HNMT: variants seen among roughly 807,000 people sequenced by gnomAD.
HNMT encodes histamine N-methyltransferase.
HNMT carries 30 observed loss-of-function variants against 32.1 expected under a neutral mutation model. That is an observed-to-expected ratio of 0.93 (90% CI 0.70 to 1.27). The LOEUF (loss-of-function observed/expected upper bound fraction) is 1.27. HNMT is among the 50% of genes most tolerant of loss of function. The probability of loss-of-function intolerance (pLI) is 0.00; values close to 1 mark genes in which losing one functional copy is unlikely to be tolerated. For synonymous variants in HNMT, 125 were observed against 119.0 expected, an observed-to-expected ratio of 1.05 and a Z score of -0.33; for missense variants, 327 against 346.0, an observed-to-expected ratio of 0.95 and a Z score of 0.43.
chr2:137,980,503 C>A (rs188914533), intron 2 of HNMT, among the ~76,000 whole-genome samples: 1 of 152,290 alleles, frequency 6.6e-6, no homozygotes, highest in Admixed American at 6.5e-5. Flanking sequence ...GGTGGCTATC[C>A]TCTGTTTCTT....
intron 2 of HNMT, among the ~76,000 whole-genome samples, chr2:137,985,219 A>G (rs1195746503): frequency 6.6e-6 from 1 of 151,432 alleles, no homozygotes; most frequent in East Asian, 1.9e-4. Flanking sequence ...AAAAAAAAAG[A>G]TTAAGAATGT....
intron 2 of HNMT, among the ~76,000 whole-genome samples, chr2:137,970,488 A>T (rs980968484): frequency 8.5e-5 from 13 of 152,198 alleles, no homozygotes; most frequent in African/African-American, 3.1e-4. Flanking sequence ...CTTTAAGGAT[A>T]ACTCTTATCC....
At chr2:138,004,134 T>TA (rs4646326) in intron 4 of HNMT, among the ~76,000 whole-genome samples, 99,055 of 151,806 alleles carry the variant, frequency 0.65, 34,953 homozygotes, top group Non-Finnish European at 0.8. Flanking sequence ...AAATTTAAGG[T>TA]ATCTTCTATG....
intron 1 of HNMT, chr2:137,967,282 T>C: frequency 1.7e-6 from 1 of 592,594 alleles, no homozygotes; most frequent in Non-Finnish European, 3.0e-6. Flanking sequence ...CAAGGCGGCA[T>C]GCACATGCTA....
intron 5 of HNMT, among the ~76,000 whole-genome samples, chr2:138,010,872 A>G (rs985643285): frequency 1.3e-5 from 2 of 152,074 alleles, no homozygotes; most frequent in Non-Finnish European, 2.9e-5. Flanking sequence ...CCAAGCATCA[A>G]TTGGGAGGGT....
At chr2:137,976,215 G>A (rs1054206759) in intron 2 of HNMT, among the ~76,000 whole-genome samples, 22 of 148,656 alleles carry the variant, frequency 1.5e-4, no homozygotes, top group African/African-American at 2.2e-4. Context: ...GCAGTGAGCC[G>A]AGATCGGGCC....
chr2:138,007,556 TA>T (rs1681366571), intron 5 of HNMT, among the ~76,000 whole-genome samples: 1 of 151,950 alleles, frequency 6.6e-6, no homozygotes, highest in Admixed American at 6.6e-5. Flanking sequence ...GTAACTTGGG[TA>T]ATCCATCCCC....
chr2:137,996,819 C>G (rs912737635), intron 2 of HNMT, among the ~76,000 whole-genome samples: 4 of 152,112 alleles, frequency 2.6e-5, no homozygotes, highest in Non-Finnish European at 4.4e-5. Context: ...GGTACCAAAA[C>G]AGATATATAG....
intron 2 of HNMT, among the ~76,000 whole-genome samples, chr2:137,991,383 A>T (rs2104957814): frequency 6.6e-6 from 1 of 152,360 alleles, no homozygotes; most frequent in Middle Eastern, 3.4e-3. Flanking sequence ...CTATCTGTTC[A>T]GATTCTTCTT....
intron 5 of HNMT, among the ~76,000 whole-genome samples, chr2:138,006,034 G>A (rs1681322009): frequency 6.6e-6 from 1 of 151,974 alleles, no homozygotes; most frequent in African/African-American, 2.4e-5. Context: ...CTTTAAAGAT[G>A]GCAAGCATGG....
In HNMT at chr2:138,014,204, A is replaced by T; in HGVS notation, c.*74A>T. 3.1e-6 allele frequency: 3 copies of T among 953,510 alleles called. No individual in the cohort carries two copies. The highest frequency in any genetic ancestry group is 4.7e-6 in the Non-Finnish European group (3 of 638,684). 59.1% of individuals were successfully genotyped at this position (953,510 alleles called of 1,614,324 possible). ...ATCACTCATTTATTTCCATATTAAA[A>T]TCACAAACTCATCCATTAATGTAGA... On this transcript the variant is annotated 3_prime_UTR_variant, in exon 6 of 6. Coordinates refer to ENST00000280097, the MANE Select transcript of HNMT (RefSeq NM_006895.3).
At chr2:138,003,674 C>T (rs962178896) in intron 4 of HNMT, among the ~76,000 whole-genome samples, 1 of 152,048 alleles carries the variant, frequency 6.6e-6, no homozygotes, top group Non-Finnish European at 1.5e-5. Flanking sequence ...CTCTCCCAGA[C>T]CATTCGTTCT....
intron 2 of HNMT, among the ~76,000 whole-genome samples, chr2:137,984,583 G>C (rs1208565365): frequency 1.3e-5 from 2 of 152,154 alleles, no homozygotes; most frequent in Non-Finnish European, 2.9e-5. Context: ...TTGAAAGAAA[G>C]ACATTATAGC....
At chr2:137,983,730 G>A (rs768037798) in intron 2 of HNMT, among the ~76,000 whole-genome samples, 1 of 152,158 alleles carries the variant, frequency 6.6e-6, no homozygotes, top group Non-Finnish European at 1.5e-5. Flanking sequence ...GGAAACTGTG[G>A]GAAGGTAAAT....
rs900690456 is a variant in HNMT, at chr2:138,014,380, T to C, written c.*250T>C. 1 of 359,744 alleles carries C rather than the reference T, an allele frequency of 2.8e-6. No individual in the cohort carries two copies. Among genetic ancestry groups the C allele is most frequent in the Non-Finnish European group, 5.0e-6 (1 of 199,372 alleles). The allele number at this position is 359,744 out of a possible 1,614,324, so 22.3% of individuals were successfully genotyped here. On this transcript the variant is annotated 3_prime_UTR_variant, in exon 6 of 6. Transcript: ENST00000280097. ...TCAACATAACATAAGCTAGAAAAAT[T>C]AGATGACTGAATTTCTATGGCATAT...
In HNMT at chr2:137,977,945, C is replaced by T. The variant is rs138646677; in HGVS notation, c.190+7728C>T. Among the ~76,000 whole-genome samples, 1,493 of 152,054 alleles carry T rather than the reference C, an allele frequency of 9.8e-3. 21 individuals carry two copies. Among genetic ancestry groups the T allele is most frequent in the African/African-American group, 0.033 (1,372 of 41,456 alleles). On this transcript the variant is annotated intron_variant, in intron 2 of 5. Coordinates refer to ENST00000280097, the MANE Select transcript of HNMT (RefSeq NM_006895.3). ...CTCCCCACCCCCCATCTCCAGGGCT[C>T]CAGCAATTGGCCTGGCCTTGCCAGT...
rs13391859 is a variant in HNMT at position 137,977,552 on chromosome 2, C to T, written c.190+7335C>T. Among the ~76,000 whole-genome samples the T allele has an allele frequency of 4.9e-3, 741 of 151,350 alleles. 5 individuals are homozygous for T. The highest frequency in any genetic ancestry group is 0.017 in the African/African-American group (696 of 41,224). On this transcript the variant is annotated intron_variant, in intron 2 of 5. Coordinates refer to ENST00000280097, the MANE Select transcript of HNMT (RefSeq NM_006895.3). ...AACAATAACAATCTGAGAGAAACGA[C>T]GAAAAAATATTTGGTTAATTAGCTA...
chr2:137,998,952 C>G (rs1681079650), intron 2 of HNMT, among the ~76,000 whole-genome samples: 2 of 152,106 alleles, frequency 1.3e-5, no homozygotes, highest in Non-Finnish European at 2.9e-5. Flanking sequence ...TCCCATTAGC[C>G]CACAGCTATT....
intron 2 of HNMT, chr2:137,981,787 T>A: frequency 6.1e-6 from 1 of 163,046 alleles, no homozygotes; most frequent in Admixed American, 6.0e-5. Context: ...ACCCACACAT[T>A]TGCATAGGAT....
Sources: allele counts gnomAD v4.1 joint callset (sites outside exome capture counted in the v4.1 genomes callset), GRCh38; gene constraint gnomAD v4.1.1; transcripts MANE v1.5; gene names NCBI Gene and HGNC (gene_info 2026-07-23, HGNC 2026-07-21).